The following EML4 variants were observed in gnomAD, a reference collection of about 807,000 sequenced individuals.
EML4 encodes echinoderm microtubule-associated protein-like 4.
EML4 carries 72 observed loss-of-function variants against 129.0 expected under a neutral mutation model. The observed-to-expected ratio is 0.56, with a 90% CI of 0.46 to 0.68. The LOEUF (loss-of-function observed/expected upper bound fraction) is 0.68. EML4 is among the 30% of genes least tolerant of loss of function. The pLI is 0.00. For missense variants in EML4, 1,363 were observed against 1,190.6 expected (o/e 1.14, Z -2.13); for synonymous variants, 532 against 405.0 (o/e 1.31, Z -3.77).
intron 19 of EML4, 90 bp downstream of exon 19, chr2:42,317,614 C>A: frequency 1.2e-6 from 1 of 824,834 alleles, no homozygotes; most frequent in East Asian, 2.5e-5. Context: ...TGTGTTGTTT[C>A]CTGTCGTTAG....
At chr2:42,312,993 G>C (rs1410961686) in intron 17 of EML4, among the ~76,000 whole-genome samples, 1 of 144,150 alleles carries the variant, frequency 6.9e-6, no homozygotes, top group Non-Finnish European at 1.5e-5. Context: ...CTGTCACCCA[G>C]GCTGGAGTGC....
chr2:42,299,295 C>A (rs1383249287), intron 13 of EML4, among the ~76,000 whole-genome samples: 2 of 152,070 alleles, frequency 1.3e-5, no homozygotes, highest in Non-Finnish European at 2.9e-5. Flanking sequence ...GATACCAAAG[C>A]CTTAGAAATT....
chr2:42,275,257 C>T (rs7605878), intron 6 of EML4, among the ~76,000 whole-genome samples: 69,736 of 151,912 alleles, frequency 0.46, 16,600 homozygotes, highest in East Asian at 0.74. Flanking sequence ...TTTACTTTTC[C>T]TTTCATACTA....
At chr2:42,202,819 G>A (rs1272056407) in intron 1 of EML4, among the ~76,000 whole-genome samples, 7 of 152,092 alleles carry the variant, frequency 4.6e-5, no homozygotes, top group East Asian at 1.9e-4. Context: ...TTGACACTCA[G>A]CATTAACCAT....
At chr2:42,201,186 C>A (rs913931891) in intron 1 of EML4, among the ~76,000 whole-genome samples, 3 of 152,198 alleles carry the variant, frequency 2.0e-5, no homozygotes, top group Non-Finnish European at 4.4e-5. Context: ...GCATTACCAT[C>A]AAAATCTAGC....
chr2:42,250,457 G>A (rs1036334541), intron 2 of EML4, among the ~76,000 whole-genome samples: 25 of 152,156 alleles, frequency 1.6e-4, no homozygotes, highest in African/African-American at 6.0e-4. Context: ...GCCTTGGTGG[G>A]ACCCTTACGC....
chr2:42,208,461 C>G (rs1346533520), intron 1 of EML4, among the ~76,000 whole-genome samples: 3 of 146,226 alleles, frequency 2.1e-5, no homozygotes, highest in African/African-American at 7.6e-5. Context: ...TTTTTTGAGA[C>G]AGAATCTCTG....
chr2:42,200,874 A>G (rs1261947034), intron 1 of EML4, among the ~76,000 whole-genome samples: 1 of 152,228 alleles, frequency 6.6e-6, no homozygotes, highest in Non-Finnish European at 1.5e-5. Context: ...GAAATGAGGC[A>G]GGAAATGAGG....
At chr2:42,280,790 A>T (rs1666960420) in intron 6 of EML4, 60 bp from the exon 7 acceptor site, 1 of 1,333,548 alleles carries the variant, frequency 7.5e-7, no homozygotes, top group Non-Finnish European at 1.0e-6. Context: ...TTAATAATCC[A>T]CTTTTGTATG....
chr2:42,253,584 A>G lies in EML4; in HGVS notation c.209-2917A>G, dbSNP rs193224433. On this transcript the variant is annotated intron_variant, in intron 2 of 22. Transcript: ENST00000318522. Reference sequence around the variant, plus strand: ...AAGAGAGACTCGAGATAAACTCAACATAATCCAAAAGAGAAATTTGGTAGT... The same window carrying G: ...AAGAGAGACTCGAGATAAACTCAACGTAATCCAAAAGAGAAATTTGGTAGT... Among the ~76,000 whole-genome samples the G allele has an allele frequency of 5.1e-4, 77 of 152,326 alleles. No homozygotes were observed. The East Asian group carries it at 0.013, about 26-fold the overall frequency.
chr2:42,287,458 T>C (rs1667372484), intron 10 of EML4, among the ~76,000 whole-genome samples: 1 of 152,140 alleles, frequency 6.6e-6, no homozygotes, highest in African/African-American at 2.4e-5. Flanking sequence ...TCAGATAATA[T>C]TCCAATTTAG....
intron 1 of EML4, among the ~76,000 whole-genome samples, chr2:42,189,826 C>G (rs1671480324): frequency 6.6e-6 from 1 of 152,056 alleles, no homozygotes; most frequent in Non-Finnish European, 1.5e-5. Context: ...ATGTTGAATA[C>G]TGAAGAAAGA....
intron 6 of EML4, among the ~76,000 whole-genome samples, chr2:42,279,591 GGGACTA>G (rs1207945957): frequency 6.6e-6 from 1 of 151,862 alleles, no homozygotes; most frequent in African/African-American, 2.4e-5. Flanking sequence ...CCAAGTAGCT[GGGACTA>G]CAGGTGCCCG....
At chr2:42,255,144 G>C (rs1040749583) in intron 2 of EML4, among the ~76,000 whole-genome samples, 3 of 151,690 alleles carry the variant, frequency 2.0e-5, no homozygotes, top group Admixed American at 1.3e-4. Flanking sequence ...GGAGTGCAGT[G>C]GTGCGATCCC....
At chr2:42,269,122 A>G (rs916725515) in intron 6 of EML4, among the ~76,000 whole-genome samples, 1 of 152,248 alleles carries the variant, frequency 6.6e-6, no homozygotes, top group African/African-American at 2.4e-5. Flanking sequence ...ATCTTAGAAA[A>G]TTGAGAAGTA....
intron 1 of EML4, among the ~76,000 whole-genome samples, chr2:42,174,641 C>A (rs182848126): frequency 6.6e-6 from 1 of 152,148 alleles, no homozygotes; most frequent in Admixed American, 6.5e-5. Flanking sequence ...CTTTAGCTGT[C>A]TTAGGCTTTT....
At chr2:42,289,257 T>A (rs983933956) in intron 11 of EML4, 14 of 152,168 alleles carry the variant, frequency 9.2e-5, no homozygotes, top group African/African-American at 3.1e-4. Context: ...ATGAAATATA[T>A]CAATTTTGAT....
chr2:42,179,263 GTTT>G (rs11396677), intron 1 of EML4, among the ~76,000 whole-genome samples: 1 of 142,828 alleles, frequency 7.0e-6, no homozygotes, highest in Non-Finnish European at 1.5e-5. Context: ...GGGGAGCTGG[GTTT>G]TTTTTTTTTT....
At chr2:42,279,449 A>G (rs1047861265) in intron 6 of EML4, among the ~76,000 whole-genome samples, 1 of 149,492 alleles carries the variant, frequency 6.7e-6, no homozygotes, top group African/African-American at 2.4e-5. Context: ...CATCCTCATC[A>G]ACACTTGCCG....
Sources: allele counts gnomAD v4.1 joint callset (sites outside exome capture counted in the v4.1 genomes callset), GRCh38; gene constraint gnomAD v4.1.1; transcripts MANE v1.5; gene names NCBI Gene and HGNC (gene_info 2026-07-23, HGNC 2026-07-21).